EEPD1: variants seen among roughly 807,000 people sequenced by gnomAD.
The protein encoded by EEPD1 is endonuclease/exonuclease/phosphatase family domain containing 1, also known as endonuclease/exonuclease/phosphatase family domain-containing protein 1.
In EEPD1, 17 loss-of-function variants were observed where a neutral mutation model predicts 46.3. The observed-to-expected ratio is 0.37, with a 90% confidence interval of 0.25 to 0.55. EEPD1 has a LOEUF of 0.55. EEPD1 is among the 20% of genes least tolerant of loss of function. The pLI, the probability that EEPD1 is intolerant of heterozygous loss-of-function variation, is 0.83. For synonymous variants in EEPD1, 313 were observed against 315.6 expected (o/e 0.99, Z 0.09); for missense variants, 673 against 745.6 (o/e 0.90, Z 1.13).
intron 3 of EEPD1, among the ~76,000 whole-genome samples, chr7:36,272,839 AG>A (rs1450434778): frequency 1.3e-5 from 2 of 152,250 alleles, no homozygotes; most frequent in Admixed American, 6.5e-5. Context: ...ACTGTGACAC[AG>A]GAGCAGGAAG....
chr7:36,260,694 C>G (rs1786907391), intron 3 of EEPD1, among the ~76,000 whole-genome samples: 1 of 152,186 alleles, frequency 6.6e-6, no homozygotes, highest in African/African-American at 2.4e-5. Flanking sequence ...AGATCAAGGA[C>G]CTTGTAGTGA....
chr7:36,197,264 G>C lies in EEPD1; in HGVS notation c.879-41721G>C, dbSNP rs1261152577. Among the ~76,000 whole-genome samples the C allele has an allele frequency of 3.2e-4, 44 of 139,154 alleles. 1 individual carries two copies. The highest frequency in any genetic ancestry group is 9.6e-4 in the African/African-American group (33 of 34,484). The allele number at this position is 139,154 out of a possible 152,430, so 91.3% of individuals were successfully genotyped here. A position where few individuals can be genotyped will look rare whatever the true frequency, so the allele number is the denominator to read the frequency against. On this transcript the variant is annotated intron_variant, in intron 2 of 7. Transcript: ENST00000242108. Reference sequence around the variant, plus strand: ...GTGGGGGGGTCAGGCCCCCGCCCGGGCAGCCGCCCCGTCCGGGAGGGAGGT... The same window carrying C: ...GTGGGGGGGTCAGGCCCCCGCCCGGCCAGCCGCCCCGTCCGGGAGGGAGGT...
intron 6 of EEPD1, among the ~76,000 whole-genome samples, chr7:36,293,795 C>A (rs1454229930): frequency 6.6e-6 from 1 of 152,116 alleles, no homozygotes; most frequent in Non-Finnish European, 1.5e-5. Flanking sequence ...GAAACCCCAT[C>A]TCTACTAAAA....
At chr7:36,219,389 C>A (rs12701487) in intron 2 of EEPD1, among the ~76,000 whole-genome samples, 106,049 of 151,564 alleles carry the variant, frequency 0.7, 38,414 homozygotes, top group Non-Finnish European at 0.79. Flanking sequence ...AAGGTGGGGA[C>A]CTGGCTGGGT....
intron 6 of EEPD1, among the ~76,000 whole-genome samples, chr7:36,288,809 A>C (rs28431055): frequency 6.6e-6 from 1 of 151,476 alleles, no homozygotes; most frequent in African/African-American, 2.4e-5. Context: ...AAGGGGGGCT[A>C]TGCCCCAACT....
At chr7:36,259,105 C>T (rs1430514238) in intron 3 of EEPD1, among the ~76,000 whole-genome samples, 2 of 152,146 alleles carry the variant, frequency 1.3e-5, no homozygotes, top group Non-Finnish European at 2.9e-5. Context: ...AGGGAGTTCC[C>T]GGACCCCTTG....
In EEPD1 at chr7:36,287,729, G is replaced by A; in HGVS notation, c.1267G>A (p.Gly423Ser). 6.2e-7 allele frequency: 1 copy of A among 1,614,134 alleles called. No individual in the cohort carries two copies. The highest frequency in any genetic ancestry group is 1.1e-5 in the South Asian group (1 of 91,086). The stretch of plus-strand genomic sequence containing the variant: ...GAATCCCAGCAAGAATCACAGTGAT[G>A]GCCACCGGTTGGCGAGCTTTGCACA... ...SENPSKNHSDGHRLASFAQTL... is the reference protein window; with the variant it reads ...SENPSKNHSDSHRLASFAQTL... Residue 423 changes from glycine (G) to serine (S), a missense_variant, in exon 6 of 8, where the codon GGC becomes AGC. Transcript: ENST00000242108.
At chr7:36,273,112 T>A (rs535457768) in intron 3 of EEPD1, among the ~76,000 whole-genome samples, 1 of 144,228 alleles carries the variant, frequency 6.9e-6, no homozygotes, top group East Asian at 2.0e-4. Context: ...CAAGTTGGAA[T>A]GCATTTGGTG....
intron 6 of EEPD1, among the ~76,000 whole-genome samples, chr7:36,290,783 G>A (rs113511317): frequency 2.6e-5 from 4 of 152,246 alleles, no homozygotes; most frequent in Non-Finnish European, 4.4e-5. Context: ...TGTCATTGGC[G>A]TTTTATAAAT....
chr7:36,214,928 T>A (rs1450391795), intron 2 of EEPD1, among the ~76,000 whole-genome samples: 1 of 152,146 alleles, frequency 6.6e-6, no homozygotes, highest in Non-Finnish European at 1.5e-5. Context: ...TATTACGGGG[T>A]CAGCAGTTTC....
intron 4 of EEPD1, among the ~76,000 whole-genome samples, chr7:36,283,689 G>A (rs1349568228): frequency 6.6e-6 from 1 of 152,204 alleles, no homozygotes; most frequent in East Asian, 1.9e-4. Flanking sequence ...GAAGTGCACA[G>A]CATACAATAC....
rs79754218 is a variant in EEPD1 at position 36,156,095 on chromosome 7, G to A, written c.878+893G>A. ...AGAGCTGTGATCCTGGACTTGAGGCGTTTTGCCCTGCCACCCACCAGGGGT... is the reference window on the plus strand; with the variant it reads ...AGAGCTGTGATCCTGGACTTGAGGCATTTTGCCCTGCCACCCACCAGGGGT... On this transcript the variant is annotated intron_variant, in intron 2 of 7. Transcript: ENST00000242108. Among the ~76,000 whole-genome samples the A allele has an allele frequency of 3.2e-3, 492 of 152,270 alleles. 1 individual carries two copies. Among genetic ancestry groups the A allele is most frequent in the Middle Eastern group, 0.01 (3 of 294 alleles).
intron 3 of EEPD1, among the ~76,000 whole-genome samples, chr7:36,249,659 G>A (rs767729426): frequency 7.9e-5 from 12 of 152,126 alleles, no homozygotes; most frequent in East Asian, 1.9e-4. Context: ...TACCTACTGC[G>A]GTTACAACTC....
chr7:36,261,140 G>A (rs1326659698), intron 3 of EEPD1, among the ~76,000 whole-genome samples: 1 of 152,108 alleles, frequency 6.6e-6, no homozygotes, highest in Non-Finnish European at 1.5e-5. Flanking sequence ...ATGGGTGGGT[G>A]GATGGACAAA....
intron 3 of EEPD1, among the ~76,000 whole-genome samples, chr7:36,274,456 T>C (rs945603501): frequency 6.6e-6 from 1 of 152,212 alleles, no homozygotes; most frequent in Non-Finnish European, 1.5e-5. Flanking sequence ...GGCTTCTTTG[T>C]TATATTTAGC....
chr7:36,255,095 C>T (rs1452967861), intron 3 of EEPD1, among the ~76,000 whole-genome samples: 1 of 152,278 alleles, frequency 6.6e-6, no homozygotes. Flanking sequence ...GTTGCCTGTT[C>T]ACTCTGATGA....
intron 2 of EEPD1, among the ~76,000 whole-genome samples, chr7:36,171,579 G>A (rs1785083081): frequency 6.6e-6 from 1 of 152,194 alleles, no homozygotes; most frequent in Non-Finnish European, 1.5e-5. Context: ...TCTGACCACA[G>A]ACATATGTCT....
At chr7:36,284,297 T>C (rs1352143871) in intron 4 of EEPD1, among the ~76,000 whole-genome samples, 3 of 152,226 alleles carry the variant, frequency 2.0e-5, no homozygotes, top group Non-Finnish European at 4.4e-5. Flanking sequence ...TGTGATCAGC[T>C]GTGGGATTTC....
At position 36,193,553 on chromosome 7, in the gene EEPD1, G is replaced by T. The variant is rs905561347; in HGVS notation, c.878+38351G>T. Among the ~76,000 whole-genome samples, 2 of 152,168 alleles carry T rather than the reference G, an allele frequency of 1.3e-5. No homozygotes were observed. Among genetic ancestry groups the T allele is most frequent in the Non-Finnish European group, 2.9e-5 (2 of 68,018 alleles). On this transcript the variant is annotated intron_variant, in intron 2 of 7. Transcript: ENST00000242108. This position sits in a 1 kb window ranked among gnomAD's most constrained non-coding sequence, Gnocchi z 4.9. ...GCTCTGGGTGTATCTTCTGTGTTTT[G>T]ATGGAGTGCTGCCCAGAGGTGCTGG... is the stretch of plus-strand genomic sequence containing the variant.
Sources: allele counts gnomAD v4.1 joint callset (sites outside exome capture counted in the v4.1 genomes callset), GRCh38; gene constraint gnomAD v4.1.1; non-coding constraint Gnocchi (gnomAD v3.1); transcripts MANE v1.5; gene names NCBI Gene and HGNC (gene_info 2026-07-23, HGNC 2026-07-21).